FLG2: variants seen among roughly 807,000 people sequenced by gnomAD.
FLG2 encodes filaggrin 2, also known as filaggrin-2.
In FLG2, 7 loss-of-function variants were observed where a neutral mutation model predicts 3.9. The ratio of observed to expected loss-of-function variants is 1.79; its 90% CI spans 1.02 to 3.36. The LOEUF (loss-of-function observed/expected upper bound fraction) is 3.36. Ranked by LOEUF, FLG2 falls within the 30% of genes most tolerant of loss-of-function variation. The pLI is 0.00. For synonymous variants in FLG2, 1,031 were observed against 1,056.1 expected, an observed-to-expected ratio of 0.98 and a Z score of 0.46; for missense variants, 2,700 against 2,809.4, an observed-to-expected ratio of 0.96 and a Z score of 0.88.
chr1:152,357,203 CT>C lies in FLG2; in HGVS notation c.582del (p.Asp195ThrfsTer8). The C allele has an allele frequency of 6.2e-7, 1 of 1,614,172 alleles. No individual in the cohort carries two copies. Among genetic ancestry groups the C allele is most frequent in the Non-Finnish European group, 8.5e-7 (1 of 1,180,026 alleles). On this transcript the variant is annotated frameshift_variant, in exon 3 of 3. Transcript: ENST00000388718. LOFTEE classifies it low-confidence loss of function (END_TRUNC). ...SSCGHSWSGG[K>X]DRHGSSSVEL... ...TCTACAGAGCTGGAACCATGTCTGT[CT>C]TTGCCACCACTCCATGAATGACCAC...
chr1:152,358,659 G>C lies in FLG2; in HGVS notation c.138+88C>G, dbSNP rs533644561. On this transcript the variant is annotated intron_variant, in intron 2 of 2. Coordinates refer to ENST00000388718, the MANE Select transcript of FLG2 (RefSeq NM_001014342.3). The stretch of plus-strand genomic sequence containing the variant: ...CATAGAGTTTGCTTAGAGTTCACTG[G>C]GGCTGTGCACTTTTTAGCTGATCTG... The C allele has an allele frequency of 1.7e-4, 229 of 1,338,174 alleles. 2 individuals carry two copies. The South Asian group carries it at 3.1e-3, about 18-fold the overall frequency. The allele number at this position is 1,338,174 out of a possible 1,614,324, so 82.9% of individuals were successfully genotyped here.
At position 152,357,360 on chromosome 1, in the gene FLG2, A is replaced by G. The variant is rs1654283402; in HGVS notation, c.426T>C (p.Tyr142=). Reference sequence around the variant, plus strand: ...CAGTTCCCCTTGAGTGCCCAGAACTATATCCATGCTCCTCTCCCTCACTCC... The same window carrying G: ...CAGTTCCCCTTGAGTGCCCAGAACTGTATCCATGCTCCTCTCCCTCACTCC... The part of the protein sequence containing the change: ...SSWSEGEEHG[Y]SSGHSRGTVK... The change falls in exon 3 of 3, where the codon TAT becomes TAC. Residue 142 remains tyrosine, a synonymous_variant. Transcript: ENST00000388718. 3.1e-6 allele frequency: 5 copies of G among 1,614,152 alleles called. No individual in the cohort carries two copies. Among genetic ancestry groups the G allele is most frequent in the Non-Finnish European group, 2.5e-6 (3 of 1,180,044 alleles).
chr1:152,357,115 T>C lies in FLG2; in HGVS notation c.671A>G (p.Glu224Gly). 1 of 1,614,188 alleles carries C rather than the reference T, an allele frequency of 6.2e-7. No individual in the cohort carries two copies. Among genetic ancestry groups the C allele is most frequent in the Non-Finnish European group, 8.5e-7 (1 of 1,180,028 alleles). The part of the protein sequence containing the change: ...SPSRESGEEY[E>G]SGSGSNSWER... Reference sequence around the variant, plus strand: ...CCAACTGTTTGATCCAGATCCAGATTCATACTCCTCCCCAGATTCCCTAGA... The same window carrying C: ...CCAACTGTTTGATCCAGATCCAGATCCATACTCCTCCCCAGATTCCCTAGA... Residue 224 changes from glutamate (E) to glycine (G), a missense_variant, in exon 3 of 3, where the codon GAA becomes GGA. Physicochemically the swap from Glu to Gly is moderately conservative, Grantham distance 98. Transcript: ENST00000388718.
In FLG2 at chr1:152,353,655, A is replaced by T. The variant is rs776600538; in HGVS notation, c.4131T>A (p.His1377Gln). ...CATGAACTGTGGATTCTGACTCTCC[A>T]TGTTGAGATCCAGCTTGGCTGTGAG... ...EQTHSQAGSQHGESESTVHER... is the reference protein window; with the variant it reads ...EQTHSQAGSQQGESESTVHER... The change falls in exon 3 of 3, where the codon CAT becomes CAA. Residue 1377 changes from histidine (H) to glutamine (Q), a missense_variant. Coordinates refer to ENST00000388718, the MANE Select transcript of FLG2 (RefSeq NM_001014342.3). 6.2e-7 allele frequency: 1 copy of T among 1,613,204 alleles called. No homozygotes were observed. Among genetic ancestry groups the T allele is most frequent in the East Asian group, 2.2e-5 (1 of 44,806 alleles).
In FLG2 at chr1:152,355,125, A is replaced by G. The variant is rs1654154865; in HGVS notation, c.2661T>C (p.His887=). The G allele has an allele frequency of 6.4e-7, 1 of 1,555,592 alleles. No homozygotes were observed. The highest frequency in any genetic ancestry group is 1.3e-5 in the African/African-American group (1 of 74,262). ...SSGQYSGFGQ[H]GSGSGQSSGF... ...CACTGGACTGACCTGAGCCTGATCC[A>G]TGTTGTCCAAAGCCAGAGTATTGAC... The change falls in exon 3 of 3, where the codon CAT becomes CAC. Residue 887 remains histidine (H), a synonymous_variant. Transcript: ENST00000388718.
At position 152,355,358 on chromosome 1, in the gene FLG2, A is replaced by G. The variant is rs34226728; in HGVS notation, c.2428T>C (p.Tyr810His). The change falls in exon 3 of 3, where the codon TAT (tyrosine) becomes CAT (histidine). Residue 810 changes from tyrosine to histidine, a missense_variant. By Grantham distance (83) the Tyr-to-His change is moderately conservative (BLOSUM62 2). Transcript: ENST00000388718. ...GSSQSTGFGQ[Y>H]GSGSGQSAGF... ...GCGGACTGACCTGAGCCTGATCCAT[A>G]TTGGCCAAAGCCAGTGGATTGACTT... The G allele has an allele frequency of 3.6e-5, 58 of 1,590,962 alleles. 1 individual carries two copies. Among genetic ancestry groups the G allele is most frequent in the African/African-American group, 3.0e-4 (20 of 67,262 alleles).
chr1:152,359,035 C>A, intron 1 of FLG2, 129 bp from the exon 2 acceptor site: 1 of 808,804 alleles, frequency 1.2e-6, no homozygotes, highest in East Asian at 2.8e-5. Context: ...TAAGAATGGG[C>A]CAGGGATGAT....
Position 152,351,437 on chromosome 1 carries a change from C to G in FLG2, c.6349G>C (p.Val2117Leu), listed in dbSNP as rs371952347. 227 of 1,612,910 alleles carry G rather than the reference C, an allele frequency of 1.4e-4. No individual in the cohort carries two copies. The highest frequency in any genetic ancestry group is 1.9e-4 in the Non-Finnish European group (222 of 1,179,748). The change falls in exon 3 of 3, where the codon GTC becomes CTC. Residue 2117 changes from valine (V) to leucine (L), a missense_variant. Transcript: ENST00000388718. ...ESSDSEVHSG[V>L]SHTHSGHTYG... The stretch of plus-strand genomic sequence containing the variant: ...GTGTGTCCTGAATGTGTGTGTGAGA[C>G]CCCTGAGTGCACTTCACTGTCACTG...
At position 152,356,037 on chromosome 1, in the gene FLG2, A is replaced by T. The variant is rs754528515; in HGVS notation, c.1749T>A (p.Tyr583Ter). The T allele has an allele frequency of 1.2e-6, 2 of 1,613,960 alleles. No homozygotes were observed. Among genetic ancestry groups the T allele is most frequent in the Admixed American group, 3.3e-5 (2 of 60,000 alleles). Residue 583 changes from tyrosine to a stop codon, truncating the protein, a stop_gained, in exon 3 of 3, where the codon TAT (tyrosine) becomes TAA (stop). Transcript: ENST00000388718. LOFTEE classifies it low-confidence loss of function (END_TRUNC). ...CAGAGGACTGACCTGAGCCCGATCC[A>T]TATTGGCCAAAGCCAGTGGATTGAC... ...GSGQSTGFGQYGSGSGQSSGF... is the reference protein window; with the variant it reads ...GSGQSTGFGQ
rs1653929686 is a variant in FLG2 at position 152,351,653 on chromosome 1, T to A, written c.6133A>T (p.Thr2045Ser). ...DSEGHSGVSH[T>S]HSGHAHGQAG... ...TGGCCATGAGCGTGTCCTGAATGTG[T>A]GTGTGAGACCCCTGAGTGCCCTTCA... The change falls in exon 3 of 3, where the codon ACA becomes TCA. Residue 2045 changes from threonine to serine, a missense_variant. Thr to Ser is a moderately conservative substitution (Grantham distance 58, BLOSUM62 1). Coordinates refer to ENST00000388718, the MANE Select transcript of FLG2 (RefSeq NM_001014342.3). 2 of 1,611,688 alleles carry A rather than the reference T, an allele frequency of 1.2e-6. No individual in the cohort carries two copies. Among genetic ancestry groups the A allele is most frequent in the African/African-American group, 2.7e-5 (2 of 74,334 alleles).
At position 152,355,793 on chromosome 1, in the gene FLG2, A is replaced by G. The variant is rs1282079369; in HGVS notation, c.1993T>C (p.Ser665Pro). 19 of 1,613,160 alleles carry G rather than the reference A, an allele frequency of 1.2e-5. No homozygotes were observed. The highest frequency in any genetic ancestry group is 1.6e-5 in the Non-Finnish European group (19 of 1,179,864). Residue 665 changes from serine (S) to proline (P), a missense_variant, in exon 3 of 3, where the codon TCC (serine) becomes CCC (proline). Transcript: ENST00000388718. ...FGQYGSGSGQSSGFGQHVSGS... is the reference protein window; with the variant it reads ...FGQYGSGSGQPSGFGQHVSGS... The stretch of plus-strand genomic sequence containing the variant: ...GAAACATGTTGTCCAAAGCCAGAGG[A>G]CTGACCTGAGCCTGATCCATATTGG...
chr1:152,353,936 C>T lies in FLG2; in HGVS notation c.3850G>A (p.Val1284Ile), dbSNP rs775944212. The change falls in exon 3 of 3, where the codon GTC (valine) becomes ATC (isoleucine). Residue 1284 changes from valine to isoleucine, a missense_variant. Val to Ile is a conservative substitution (Grantham distance 29). Transcript: ENST00000388718. ...ATGTGTTCTGAATGTCTGTGTGAGA[C>T]CTTTGAGTGCACTTCACTGTCACTG... ...ENSDSEVHSK[V>I]SHRHSEHIHT... 1.2e-6 allele frequency: 2 copies of T among 1,614,074 alleles called. No homozygotes were observed. Among genetic ancestry groups the T allele is most frequent in the South Asian group, 2.2e-5 (2 of 91,082 alleles).
intron 1 of FLG2, 114 bp from the exon 2 acceptor site, chr1:152,359,020 A>G (rs1208431052): frequency 4.1e-6 from 4 of 977,644 alleles, no homozygotes; most frequent in African/African-American, 3.3e-5. Flanking sequence ...TTAAATCTCA[A>G]AACGTAAGAA....
rs762744735 is a variant in FLG2 at position 152,352,058 on chromosome 1, C to G, written c.5728G>C (p.Glu1910Gln). 5.6e-6 allele frequency: 9 copies of G among 1,613,634 alleles called. No homozygotes were observed. In the South Asian group the frequency reaches 9.9e-5, roughly 18 times the overall value. Residue 1910 changes from glutamate (E) to glutamine (Q), a missense_variant, in exon 3 of 3, where the codon GAG (glutamate) becomes CAG (glutamine). By Grantham distance (29) the Glu-to-Gln change is conservative. Transcript: ENST00000388718. ...THSQARSQHG[E>Q]SESTVHKRHQ... is the part of the protein sequence containing the mutation. ...CTCTTGTGAACTGTGGATTCTGACT[C>G]TCCATGTTGAGACCTGGCTTGGCTG...
Position 152,351,122 on chromosome 1 carries a change from T to A in FLG2, c.6664A>T (p.Thr2222Ser). 1 of 1,613,830 alleles carries A rather than the reference T, an allele frequency of 6.2e-7. No individual in the cohort carries two copies. The highest frequency in any genetic ancestry group is 1.1e-5 in the South Asian group (1 of 91,060). ...GSSGHGRQGT[T>S]HGQTGDTTRH... The stretch of plus-strand genomic sequence containing the variant: ...GTGGTATCTCCTGTCTGTCCATGAG[T>A]AGTTCCCTGTCTCCCATGACCTGAG... The change falls in exon 3 of 3, where the codon ACT (threonine) becomes TCT (serine). Residue 2222 changes from threonine (T) to serine (S), a missense_variant. Transcript: ENST00000388718.
Position 152,353,337 on chromosome 1 carries a change from A to T in FLG2, c.4449T>A (p.His1483Gln), listed in dbSNP as rs1428145178. The part of the protein sequence containing the change: ...GDTTRHAHYH[H>Q]GKSTQRGSST... ...TGGACCCTCTCTGTGTGGATTTTCCATGATGATAGTGGGCATGTCTAGTGG... is the reference window on the plus strand; with the variant it reads ...TGGACCCTCTCTGTGTGGATTTTCCTTGATGATAGTGGGCATGTCTAGTGG... The change falls in exon 3 of 3, where the codon CAT becomes CAA. Residue 1483 changes from histidine (H) to glutamine (Q), a missense_variant. His to Gln is a conservative substitution (Grantham distance 24, BLOSUM62 0). Transcript: ENST00000388718. The T allele has an allele frequency of 6.2e-7, 1 of 1,612,002 alleles. No individual in the cohort carries two copies. Among genetic ancestry groups the T allele is most frequent in the East Asian group, 2.2e-5 (1 of 44,722 alleles).
rs777733623 is a variant in FLG2 at position 152,351,695 on chromosome 1, T to C, written c.6091A>G (p.Ser2031Gly). The C allele has an allele frequency of 1.2e-6, 2 of 1,611,158 alleles. No individual in the cohort carries two copies. Among genetic ancestry groups the C allele is most frequent in the Non-Finnish European group, 1.7e-6 (2 of 1,179,424 alleles). Residue 2031 changes from serine (S) to glycine (G), a missense_variant, in exon 3 of 3, where the codon AGT becomes GGT. Coordinates refer to ENST00000388718, the MANE Select transcript of FLG2 (RefSeq NM_001014342.3). ...RTTGRRASGH[S>G]EYSDSEGHSG... ...TGCCCTTCACTGTCACTGTACTCACTGTGGCCAGATGCCCTTCTTCCAGTT... is the reference window on the plus strand; with the variant it reads ...TGCCCTTCACTGTCACTGTACTCACCGTGGCCAGATGCCCTTCTTCCAGTT...
Position 152,354,020 on chromosome 1 carries a change from G to A in FLG2, c.3766C>T (p.Gln1256Ter). 1 of 1,614,104 alleles carries A rather than the reference G, an allele frequency of 6.2e-7. No homozygotes were observed. The highest frequency in any genetic ancestry group is 8.5e-7 in the Non-Finnish European group (1 of 1,179,980). ...ACCCTGGACCCTGTCTGTGTGGATT[G>A]TCCTTGACCAGACTGGCTATGTCTA... ...TTRHSQSGQG[Q>*]STQTGSRVTR... The change falls in exon 3 of 3, where the codon CAA (glutamine) becomes TAA (stop). Residue 1256 changes from glutamine (Q) to a stop codon, truncating the protein, a stop_gained. Transcript: ENST00000388718. LOFTEE classifies it low-confidence loss of function (END_TRUNC).
chr1:152,358,257 G>T (rs1173202699), intron 2 of FLG2, among the ~76,000 whole-genome samples: 1 of 152,112 alleles, frequency 6.6e-6, no homozygotes, highest in Non-Finnish European at 1.5e-5. Flanking sequence ...TCCTTACCTT[G>T]TGATTCACCC....
Sources: allele counts gnomAD v4.1 joint callset (sites outside exome capture counted in the v4.1 genomes callset), GRCh38; gene constraint gnomAD v4.1.1; transcripts MANE v1.5; gene names NCBI Gene and HGNC (gene_info 2026-07-23, HGNC 2026-07-21).